The following CYLC2 variants were observed in gnomAD, a reference collection of about 807,000 sequenced individuals.
CYLC2 encodes cylicin-2.
A neutral mutation model predicts 26.1 loss-of-function variants in CYLC2; 30 were observed. That is an observed-to-expected ratio of 1.15 (90% CI 0.86 to 1.56). CYLC2 has a LOEUF of 1.56. Ranked by LOEUF, CYLC2 falls within the 40% of genes most tolerant of loss-of-function variation. CYLC2 has a pLI of 0.00. For synonymous variants in CYLC2, 158 were observed against 132.8 expected, an observed-to-expected ratio of 1.19 and a Z score of -1.31; for missense variants, 498 against 394.4, an observed-to-expected ratio of 1.26 and a Z score of -2.23.
At position 103,005,269 on chromosome 9, in the gene CYLC2, C is replaced by T. The variant is rs745511475; in HGVS notation, c.638C>T (p.Thr213Ile). Residue 213 changes from threonine (T) to isoleucine (I), a missense_variant, in exon 5 of 8, where the codon ACA (threonine) becomes ATA (isoleucine). Physicochemically the swap from Thr to Ile is moderately conservative, Grantham distance 89. Coordinates refer to ENST00000374798, the MANE Select transcript of CYLC2 (RefSeq NM_001340.5). The stretch of plus-strand genomic sequence containing the variant: ...GAATCTGAAGGTGAAAAAGGAGGTA[C>T]AGAGAAAGATAGCAAAAAAGGTAAA... ...ATESEGEKGGTEKDSKKGKKD... is the reference protein window; with the variant it reads ...ATESEGEKGGIEKDSKKGKKD... The T allele has an allele frequency of 6.2e-7, 1 of 1,612,998 alleles. No homozygotes were observed. Among genetic ancestry groups the T allele is most frequent in the South Asian group, 1.1e-5 (1 of 91,024 alleles).
chr9:102,998,134 T>C (rs1042914584), intron 1 of CYLC2, among the ~76,000 whole-genome samples: 2 of 151,978 alleles, frequency 1.3e-5, no homozygotes, highest in African/African-American at 4.8e-5. Flanking sequence ...AGCTTCTACA[T>C]GCCATTTAAT....
At chr9:103,013,865 T>A (rs1284874612) in intron 6 of CYLC2, among the ~76,000 whole-genome samples, 3 of 91,316 alleles carry the variant, frequency 3.3e-5, no homozygotes, top group Admixed American at 1.4e-4. Flanking sequence ...TATTATATAT[T>A]ATATATTATA....
chr9:103,014,502 T>C (rs1312356988), intron 6 of CYLC2, among the ~76,000 whole-genome samples: 1 of 140,264 alleles, frequency 7.1e-6, no homozygotes, highest in Non-Finnish European at 1.5e-5. Flanking sequence ...ATATACATAA[T>C]ATATGTAATA....
intron 7 of CYLC2, among the ~76,000 whole-genome samples, chr9:103,017,571 C>G (rs1217908584): frequency 3.3e-5 from 5 of 151,988 alleles, no homozygotes; most frequent in African/African-American, 1.2e-4. Flanking sequence ...TTTATACAAA[C>G]CTACATGTTA....
chr9:103,005,240 A>C lies in CYLC2; in HGVS notation c.609A>C (p.Ala203=). The change falls in exon 5 of 8, where the codon GCA becomes GCC. Residue 203 remains alanine (A), a synonymous_variant. Transcript: ENST00000374798. ...ATTCAAACAAAGGCAAAGACTCGGC[A>C]ACAGAATCTGAAGGTGAAAAAGGAG... The part of the protein sequence containing the change: ...KKDSNKGKDS[A]TESEGEKGGT... The C allele has an allele frequency of 3.1e-6, 5 of 1,612,886 alleles. No homozygotes were observed. Among genetic ancestry groups the C allele is most frequent in the Non-Finnish European group, 3.4e-6 (4 of 1,179,712 alleles).
In CYLC2 at chr9:103,013,141, T is replaced by C. The variant is rs201868593; in HGVS notation, c.*816+1044T>C. ...AATATAAAAATATATATCATATAAA[T>C]ATATCATATATAAATATATATTATA... On this transcript the variant is annotated intron_variant, in intron 6 of 7. Coordinates refer to ENST00000374798, the MANE Select transcript of CYLC2 (RefSeq NM_001340.5). 5.8e-5 allele frequency among the ~76,000 whole-genome samples: 8 copies of C among 138,148 alleles called. No individual in the cohort carries two copies. In the East Asian group the frequency reaches 8.2e-4, roughly 14 times the overall value. The allele number at this position is 138,148 out of a possible 152,430, so 90.6% of individuals were successfully genotyped here.
chr9:103,015,466 AAT>A (rs1829493234), intron 6 of CYLC2, among the ~76,000 whole-genome samples: 1 of 138,184 alleles, frequency 7.2e-6, no homozygotes, highest in Non-Finnish European at 1.5e-5. Flanking sequence ...ATATAATTAT[AAT>A]ATATAATACA....
chr9:103,008,212 T>C (rs1829371735), intron 5 of CYLC2, among the ~76,000 whole-genome samples: 1 of 152,124 alleles, frequency 6.6e-6, no homozygotes, highest in Non-Finnish European at 1.5e-5. Flanking sequence ...GGTTTTAGAT[T>C]GAAATGTAAT....
chr9:103,011,237 C>A (rs1829403563), intron 5 of CYLC2, among the ~76,000 whole-genome samples: 1 of 152,020 alleles, frequency 6.6e-6, no homozygotes, highest in Non-Finnish European at 1.5e-5. Flanking sequence ...GTGCATTGTT[C>A]TCCATTCTTT....
chr9:103,014,765 ACG>A (rs1829475637), intron 6 of CYLC2, among the ~76,000 whole-genome samples: 1 of 19,434 alleles, frequency 5.1e-5, no homozygotes, highest in Non-Finnish European at 9.7e-5. Flanking sequence ...TATGTAATAT[ACG>A]TATGTATATT....
rs1564100489 is a variant in CYLC2, at chr9:103,013,355, TA to T, written c.*816+1259del. Among the ~76,000 whole-genome samples, 4 of 91,392 alleles carry T rather than the reference TA, an allele frequency of 4.4e-5. 1 individual carries two copies. The highest frequency in any genetic ancestry group is 5.9e-5 in the Non-Finnish European group (3 of 50,596). 60.0% of individuals were successfully genotyped at this position (91,392 alleles called of 152,430 possible). A position where few individuals can be genotyped will look rare whatever the true frequency, so the allele number is the denominator to read the frequency against. ...TTTAATATATTATATAAATATATATTATATAAATATATATTTAATATATTAT... is the reference window on the plus strand; with the variant it reads ...TTTAATATATTATATAAATATATATTTATAAATATATATTTAATATATTAT... On this transcript the variant is annotated intron_variant, in intron 6 of 7. Coordinates refer to ENST00000374798, the MANE Select transcript of CYLC2 (RefSeq NM_001340.5).
chr9:103,014,099 T>G (rs1829456700), intron 6 of CYLC2, among the ~76,000 whole-genome samples: 2 of 119,240 alleles, frequency 1.7e-5, no homozygotes, highest in South Asian at 5.0e-4. Context: ...TATATAAAAT[T>G]AAATATAATA....
At chr9:103,001,811 A>C (rs1335773690) in intron 2 of CYLC2, among the ~76,000 whole-genome samples, 193 bp downstream of exon 2, 2 of 152,174 alleles carry the variant, frequency 1.3e-5, no homozygotes, top group African/African-American at 4.8e-5. Context: ...AATCCAAGGA[A>C]GTTTAAGTAA....
At chr9:103,013,845 T>A (rs1419264292) in intron 6 of CYLC2, among the ~76,000 whole-genome samples, 1 of 92,394 alleles carries the variant, frequency 1.1e-5, no homozygotes, top group East Asian at 2.9e-4. Context: ...ATAATAAAGA[T>A]AATACAATGT....
At chr9:103,001,152 G>C (rs976981630) in intron 1 of CYLC2, among the ~76,000 whole-genome samples, 1 of 151,764 alleles carries the variant, frequency 6.6e-6, no homozygotes, top group Non-Finnish European at 1.5e-5. Flanking sequence ...CATAAGCGTA[G>C]AGTTTACAAA....
At chr9:103,010,591 G>A (rs1005747939) in intron 5 of CYLC2, 1 of 152,046 alleles carries the variant, frequency 6.6e-6, no homozygotes, top group African/African-American at 2.4e-5. Context: ...GGATTTGGGA[G>A]AATTTTTCTT....
chr9:102,998,643 G>C lies in CYLC2; in HGVS notation c.18-2935G>C, dbSNP rs930410417. The stretch of plus-strand genomic sequence containing the variant: ...TATTGCTGTTTGGGTTCCTATAAAT[G>C]ATTCTTACTAAAAATGCAAGAGGTT... On this transcript the variant is annotated intron_variant, in intron 1 of 7. Transcript: ENST00000374798. Among the ~76,000 whole-genome samples the C allele has an allele frequency of 2.0e-5, 3 of 151,878 alleles. No homozygotes were observed. In the East Asian group the frequency reaches 5.8e-4, roughly 29 times the overall value.
intron 1 of CYLC2, among the ~76,000 whole-genome samples, chr9:102,997,846 C>A (rs1829252944): frequency 6.6e-6 from 1 of 151,722 alleles, no homozygotes; most frequent in South Asian, 2.1e-4. Context: ...GAAAAATAAT[C>A]AGAAAAACAA....
intron 1 of CYLC2, among the ~76,000 whole-genome samples, chr9:102,999,199 G>A (rs1396421747): frequency 1.3e-5 from 2 of 151,418 alleles, no homozygotes; most frequent in Non-Finnish European, 3.0e-5. Context: ...TGTATAATTT[G>A]CTTTTGTGTT....
Sources: gnomAD v4.1 joint callset for allele counts (sites outside exome capture counted in the v4.1 genomes callset) on GRCh38, gnomAD v4.1.1 for gene constraint, MANE v1.5 for transcripts, NCBI Gene and HGNC (gene_info 2026-07-23, HGNC 2026-07-21) for gene names.